The following LPP variants were observed in gnomAD, a reference collection of about 807,000 sequenced individuals.
LPP encodes the protein lipoma-preferred partner.
A neutral mutation model predicts 60.4 loss-of-function variants in LPP; 38 were observed. That is an observed-to-expected ratio of 0.63 (90% CI 0.49 to 0.83). The LOEUF is 0.83. Ranked by LOEUF, LPP falls within the 40% of genes least tolerant of loss-of-function variation. LPP has a pLI of 0.00. For synonymous variants in LPP, 328 were observed against 290.8 expected, an observed-to-expected ratio of 1.13 and a Z score of -1.30; for missense variants, 902 against 783.6, an observed-to-expected ratio of 1.15 and a Z score of -1.80.
At chr3:188,855,072 G>C (rs192580951) in intron 9 of LPP, among the ~76,000 whole-genome samples, 9 of 152,292 alleles carry the variant, frequency 5.9e-5, no homozygotes, top group Non-Finnish European at 1.3e-4. Flanking sequence ...GGATGAGTTA[G>C]TTACCCATGG....
chr3:188,781,610 G>A (rs947413076), intron 9 of LPP, among the ~76,000 whole-genome samples: 3 of 151,758 alleles, frequency 2.0e-5, no homozygotes, highest in Non-Finnish European at 4.4e-5. Context: ...CTGCCTCGGT[G>A]CGGTCGCTCA....
At chr3:188,527,633 T>G (rs1175621901) in intron 6 of LPP, among the ~76,000 whole-genome samples, 1 of 152,190 alleles carries the variant, frequency 6.6e-6, no homozygotes, top group African/African-American at 2.4e-5. Context: ...TCAGCAATTT[T>G]TTTTGATTCC....
intron 6 of LPP, among the ~76,000 whole-genome samples, chr3:188,550,606 C>G (rs1284830878): frequency 7.7e-6 from 1 of 129,990 alleles, no homozygotes; most frequent in African/African-American, 3.1e-5. Context: ...AAAAATCGAA[C>G]AAGTCTTTGG....
At chr3:188,736,823 T>G (rs1217622032) in intron 8 of LPP, among the ~76,000 whole-genome samples, 2 of 152,026 alleles carry the variant, frequency 1.3e-5, no homozygotes, top group Non-Finnish European at 2.9e-5. Flanking sequence ...CAAAATCTAT[T>G]TATGAAAATG....
At chr3:188,412,311 G>C (rs953633524) in intron 4 of LPP, among the ~76,000 whole-genome samples, 1 of 152,000 alleles carries the variant, frequency 6.6e-6, no homozygotes, top group Non-Finnish European at 1.5e-5. Flanking sequence ...GACAAATATT[G>C]GGAACGGTTT....
chr3:188,523,364 T>C (rs2150169444), intron 5 of LPP, among the ~76,000 whole-genome samples: 1 of 152,274 alleles, frequency 6.6e-6, no homozygotes, highest in Admixed American at 6.5e-5. Context: ...GCTGACTAAG[T>C]TCCCAAAAGA....
intron 8 of LPP, among the ~76,000 whole-genome samples, chr3:188,747,892 C>T (rs1420886464): frequency 6.6e-6 from 1 of 152,168 alleles, no homozygotes; most frequent in Non-Finnish European, 1.5e-5. Flanking sequence ...TCATGGGTCT[C>T]CCTCTGAGCT....
intron 1 of LPP, among the ~76,000 whole-genome samples, chr3:188,163,946 G>A (rs1719152096): frequency 8.6e-6 from 1 of 116,648 alleles, no homozygotes; most frequent in African/African-American, 3.0e-5. Context: ...GCAAGACTCT[G>A]TCTCCAAAAA....
At chr3:188,592,557 G>GTTGTTGTTTGTTTTTTTT (rs1553936334) in intron 6 of LPP, among the ~76,000 whole-genome samples, 3 of 85,750 alleles carry the variant, frequency 3.5e-5, no homozygotes, top group South Asian at 5.7e-4. Context: ...TTTTGTTTTT[G>GTTGTTGTTTGTTTTTTTT]TTTTTTAAAT....
intron 5 of LPP, among the ~76,000 whole-genome samples, chr3:188,512,345 G>A (rs1347707906): frequency 6.6e-6 from 1 of 152,048 alleles, no homozygotes; most frequent in Non-Finnish European, 1.5e-5. Context: ...ATCGCCTGAG[G>A]TCAGGAGTTC....
chr3:188,852,459 G>A (rs1352119384), intron 9 of LPP, among the ~76,000 whole-genome samples: 2 of 152,226 alleles, frequency 1.3e-5, no homozygotes, highest in Non-Finnish European at 2.9e-5. Flanking sequence ...ATGCAACAGT[G>A]TTGAGAAGTG....
intron 2 of LPP, among the ~76,000 whole-genome samples, chr3:188,241,120 G>C (rs541306262): frequency 6.6e-6 from 1 of 152,346 alleles, no homozygotes; most frequent in African/African-American, 2.4e-5. Context: ...GTTCCACGTA[G>C]TGGCTGCAAG....
At chr3:188,293,518 T>C (rs1746752135) in intron 2 of LPP, among the ~76,000 whole-genome samples, 2 of 152,358 alleles carry the variant, frequency 1.3e-5, no homozygotes, top group Admixed American at 6.5e-5. Context: ...ACATGGATAA[T>C]TGGACAGTCA....
intron 6 of LPP, among the ~76,000 whole-genome samples, chr3:188,585,389 C>G (rs1002821955): frequency 1.3e-5 from 2 of 152,072 alleles, no homozygotes; most frequent in Non-Finnish European, 2.9e-5. Flanking sequence ...TTCCTTCTTC[C>G]TCTCCTTATT....
chr3:188,458,008 G>C lies in LPP; in HGVS notation c.194-26584G>C, dbSNP rs570613648. Among the ~76,000 whole-genome samples, 6 of 152,282 alleles carry C rather than the reference G, an allele frequency of 3.9e-5. No individual in the cohort carries two copies. The South Asian group carries it at 1.0e-3, about 26-fold the overall frequency. ...GCATATTGGTATTAAACTATGAGCTGATACATGGAGCAGCAGATATTGTAT... is the reference window on the plus strand; with the variant it reads ...GCATATTGGTATTAAACTATGAGCTCATACATGGAGCAGCAGATATTGTAT... On this transcript the variant is annotated intron_variant, in intron 4 of 11. Transcript: ENST00000617246.
intron 2 of LPP, among the ~76,000 whole-genome samples, chr3:188,265,870 G>GGTGTGTGTGTGTGTGTGT (rs55722565): frequency 2.1e-4 from 30 of 143,428 alleles, no homozygotes; most frequent in Non-Finnish European, 3.8e-4. Flanking sequence ...GGATTACTCT[G>GGTGTGTGTGTGTGTGTGT]GTGTGTGTGT....
chr3:188,778,276 G>A (rs1395983520), intron 9 of LPP, among the ~76,000 whole-genome samples: 1 of 152,138 alleles, frequency 6.6e-6, no homozygotes, highest in East Asian at 1.9e-4. Flanking sequence ...GCTGCAGGAT[G>A]CCTACATTCT....
rs1769106066 is a variant in LPP, at chr3:188,875,182, A to G, written c.*703A>G. 4.6e-6 allele frequency: 1 copy of G among 217,572 alleles called. No homozygotes were observed. The highest frequency in any genetic ancestry group is 9.2e-6 in the Non-Finnish European group (1 of 108,282). 13.5% of individuals were successfully genotyped at this position (217,572 alleles called of 1,614,324 possible). ...AGTAGTGACAGACAACCAAGCTTCAATATTTTTCTAAAGAAATTACAGGTG... is the reference window on the plus strand; with the variant it reads ...AGTAGTGACAGACAACCAAGCTTCAGTATTTTTCTAAAGAAATTACAGGTG... On this transcript the variant is annotated 3_prime_UTR_variant, in exon 12 of 12. Transcript: ENST00000617246.
intron 2 of LPP, among the ~76,000 whole-genome samples, chr3:188,274,679 T>C (rs914152079): frequency 2.0e-5 from 3 of 152,218 alleles, no homozygotes; most frequent in African/African-American, 7.2e-5. Context: ...CAAAGCACTC[T>C]GCAGATAGAA....
Sources: allele counts gnomAD v4.1 joint callset (sites outside exome capture counted in the v4.1 genomes callset), GRCh38; gene constraint gnomAD v4.1.1; transcripts MANE v1.5; gene names NCBI Gene and HGNC (gene_info 2026-07-23, HGNC 2026-07-21).